Variants in SCMH1 observed in about 807,000 individuals in gnomAD.
The protein encoded by SCMH1 is Scm polycomb group protein homolog 1, also known as polycomb protein SCMH1.
SCMH1 carries 37 observed loss-of-function variants against 70.8 expected under a neutral mutation model. The ratio of observed to expected loss-of-function variants is 0.52; its 90% confidence interval spans 0.40 to 0.69. The LOEUF (loss-of-function observed/expected upper bound fraction) is 0.69, where lower values mean the gene tolerates loss of function less well. SCMH1 is among the 30% of genes least tolerant of loss of function. The pLI is 0.00. For missense variants in SCMH1, 607 were observed against 827.3 expected, an observed-to-expected ratio of 0.73 and a Z score of 3.27; for synonymous variants, 292 against 307.4, an observed-to-expected ratio of 0.95 and a Z score of 0.52.
intron 11 of SCMH1, 90 bp from the exon 12 acceptor site, chr1:41,046,688 G>A: frequency 1.0e-6 from 1 of 989,892 alleles, no homozygotes; most frequent in Non-Finnish European, 1.6e-6. Context: ...GCTTGTCTCA[G>A]GCTTACCTGG....
chr1:41,226,861 AG>A (rs1660362992), intron 1 of SCMH1, among the ~76,000 whole-genome samples: 1 of 152,228 alleles, frequency 6.6e-6, no homozygotes, highest in Admixed American at 6.5e-5. Flanking sequence ...GGATTCCCTA[AG>A]GAAGTTATGT....
chr1:41,203,692 G>C (rs551902862), intron 1 of SCMH1, among the ~76,000 whole-genome samples: 2 of 152,326 alleles, frequency 1.3e-5, no homozygotes, highest in East Asian at 3.9e-4. Context: ...CCACTTAAAG[G>C]CATTCTTAAG....
intron 2 of SCMH1, among the ~76,000 whole-genome samples, chr1:41,179,619 A>G (rs1648095718): frequency 6.6e-6 from 1 of 152,226 alleles, no homozygotes; most frequent in South Asian, 2.1e-4. Context: ...TCTAGAAGAA[A>G]TGGATAAATT....
chr1:41,057,651 A>G (rs538978073), intron 10 of SCMH1, among the ~76,000 whole-genome samples: 1 of 152,216 alleles, frequency 6.6e-6, no homozygotes, highest in Non-Finnish European at 1.5e-5. Context: ...CGGCACACTC[A>G]GATATGGCAG....
chr1:41,117,553 G>C (rs1670807483), intron 6 of SCMH1, among the ~76,000 whole-genome samples: 1 of 152,002 alleles, frequency 6.6e-6, no homozygotes, highest in South Asian at 2.1e-4. Flanking sequence ...CTCTTGCGGA[G>C]GGCCTGACGT....
chr1:41,032,581 G>A (rs1175009031), intron 13 of SCMH1, among the ~76,000 whole-genome samples: 1 of 152,160 alleles, frequency 6.6e-6, no homozygotes, highest in Non-Finnish European at 1.5e-5. Flanking sequence ...GAAATAGGTA[G>A]GTTTTGAGCA....
intron 2 of SCMH1, among the ~76,000 whole-genome samples, chr1:41,180,701 C>T (rs569077866): frequency 7.2e-5 from 11 of 152,154 alleles, no homozygotes; most frequent in East Asian, 5.8e-4. Flanking sequence ...TAAAAGAGGA[C>T]ACAAACAAAT....
intron 2 of SCMH1, among the ~76,000 whole-genome samples, chr1:41,177,290 A>G (rs796100521): frequency 2.0e-5 from 3 of 152,338 alleles, no homozygotes; most frequent in South Asian, 4.1e-4. Context: ...AAGATGGGGA[A>G]AAAACAGAGC....
chr1:41,085,999 C>A (rs1661540666), intron 8 of SCMH1, among the ~76,000 whole-genome samples: 2 of 151,912 alleles, frequency 1.3e-5, no homozygotes, highest in Non-Finnish European at 2.9e-5. Flanking sequence ...CACCGCCACG[C>A]CCAGCTAATT....
At chr1:41,092,267 T>C (rs901988802) in intron 8 of SCMH1, among the ~76,000 whole-genome samples, 2 of 152,034 alleles carry the variant, frequency 1.3e-5, no homozygotes, top group Non-Finnish European at 2.9e-5. Context: ...AAACAAGAAA[T>C]AGGGAAAGGA....
intron 1 of SCMH1, among the ~76,000 whole-genome samples, chr1:41,237,139 G>C (rs1662546845): frequency 2.0e-5 from 3 of 152,092 alleles, no homozygotes; most frequent in Non-Finnish European, 4.4e-5. Flanking sequence ...ATCTGCCAGG[G>C]GTTGTGCGGT....
At chr1:41,030,041 C>A (rs1012199371) in intron 13 of SCMH1, among the ~76,000 whole-genome samples, 6 of 152,042 alleles carry the variant, frequency 3.9e-5, no homozygotes, top group African/African-American at 1.4e-4. Flanking sequence ...AAGCAAGAAC[C>A]CCATCTCTAC....
At chr1:41,073,630 C>CCATT (rs1657271986) in intron 9 of SCMH1, among the ~76,000 whole-genome samples, 1 of 127,446 alleles carries the variant, frequency 7.8e-6, no homozygotes, top group African/African-American at 2.6e-5. Context: ...ATCCATCCAT[C>CCATT]CATCCATCCA....
At chr1:41,186,128 C>T in exon 2 of SCMH1, 1 of 1,539,162 alleles carries the variant, frequency 6.5e-7, no homozygotes, top group Non-Finnish European at 8.8e-7. Flanking sequence ...TACCATTAGG[C>T]TGCATAGTCA....
chr1:41,211,347 G>T (rs1656982836), intron 1 of SCMH1, among the ~76,000 whole-genome samples: 2 of 152,144 alleles, frequency 1.3e-5, no homozygotes, highest in African/African-American at 4.8e-5. Flanking sequence ...CCATCAAAAA[G>T]TGGGCAAAGG....
chr1:41,182,710 T>G (rs1212674749), intron 2 of SCMH1, among the ~76,000 whole-genome samples: 1 of 151,358 alleles, frequency 6.6e-6, no homozygotes, highest in African/African-American at 2.4e-5. Flanking sequence ...GACTCTGTCT[T>G]AAAAACAAAA....
At chr1:41,131,194 G>A (rs1674607318) in intron 6 of SCMH1, among the ~76,000 whole-genome samples, 1 of 152,078 alleles carries the variant, frequency 6.6e-6, no homozygotes, top group Non-Finnish European at 1.5e-5. Context: ...AAAATCAATT[G>A]ACCATAAATT....
chr1:41,094,016 A>G (rs72663774), intron 8 of SCMH1, among the ~76,000 whole-genome samples: 12,702 of 152,258 alleles, frequency 0.083, 713 homozygotes, highest in South Asian at 0.15. Flanking sequence ...GAGTTTCATA[A>G]AAAAGTAGCT....
chr1:41,097,775 C>T (rs1665490440), intron 8 of SCMH1, among the ~76,000 whole-genome samples: 1 of 152,242 alleles, frequency 6.6e-6, no homozygotes, highest in Non-Finnish European at 1.5e-5. Context: ...TACCTCTATT[C>T]CTTATCTAAC....
Sources: allele counts gnomAD v4.1 joint callset (sites outside exome capture counted in the v4.1 genomes callset), GRCh38; gene constraint gnomAD v4.1.1; transcripts MANE v1.5; gene names NCBI Gene and HGNC (gene_info 2026-07-23, HGNC 2026-07-21).